Variants in ZC3H12C observed in about 807,000 individuals in gnomAD.
ZC3H12C encodes the protein zinc finger CCCH-type containing 12C, also known as probable ribonuclease ZC3H12C.
ZC3H12C carries 20 observed loss-of-function variants against 76.3 expected under a neutral mutation model. The ratio of observed to expected loss-of-function variants is 0.26; its 90% CI spans 0.18 to 0.38. The LOEUF (loss-of-function observed/expected upper bound fraction) is 0.38. Among genes scored for constraint, ZC3H12C ranks in the 10% least tolerant of loss-of-function variants. The probability of loss-of-function intolerance (pLI) is 1.00; values close to 1 mark genes in which losing one functional copy is unlikely to be tolerated. For missense variants in ZC3H12C, 874 were observed against 1,086.5 expected, an observed-to-expected ratio of 0.80 and a Z score of 2.75; for synonymous variants, 352 against 399.6, an observed-to-expected ratio of 0.88 and a Z score of 1.42.
At chr11:110,151,003 G>A (rs1360714724) in intron 2 of ZC3H12C, among the ~76,000 whole-genome samples, 3 of 152,098 alleles carry the variant, frequency 2.0e-5, no homozygotes, top group African/African-American at 7.2e-5. Flanking sequence ...ACACATGGAG[G>A]ATTATATTTT....
intron 1 of ZC3H12C, among the ~76,000 whole-genome samples, chr11:110,113,623 A>G (rs908570535): frequency 3.9e-5 from 6 of 152,218 alleles, no homozygotes; most frequent in Non-Finnish European, 8.8e-5. Context: ...TTACAAAAAT[A>G]TGCCTGTTTA....
At chr11:110,100,352 T>C (rs774672965) in intron 1 of ZC3H12C, among the ~76,000 whole-genome samples, 1 of 151,976 alleles carries the variant, frequency 6.6e-6, no homozygotes, top group South Asian at 2.1e-4. Context: ...CAAAAAGCAA[T>C]GTAGTACTTT....
rs573161919 is a variant in ZC3H12C, at chr11:110,113,347, C to T, written c.21+19915C>T. ...GTATTCACCCATAGAAATGATGTTT[C>T]CCTACATATTACAGTTGAAACAAAT... On this transcript the variant is annotated intron_variant, in intron 1 of 5. Coordinates refer to ENST00000278590, the MANE Select transcript of ZC3H12C (RefSeq NM_033390.2). Among the ~76,000 whole-genome samples the T allele has an allele frequency of 7.2e-5, 11 of 152,256 alleles. No individual in the cohort carries two copies. In the South Asian group the frequency reaches 2.3e-3, roughly 32 times the overall value.
intron 1 of ZC3H12C, among the ~76,000 whole-genome samples, chr11:110,133,951 T>C (rs1238238229): frequency 1.3e-5 from 2 of 152,354 alleles, no homozygotes; most frequent in African/African-American, 2.4e-5. Flanking sequence ...CTAATATTTG[T>C]CACTAGTTGT....
chr11:110,140,267 G>A (rs1403381559), intron 2 of ZC3H12C, among the ~76,000 whole-genome samples: 1 of 152,166 alleles, frequency 6.6e-6, no homozygotes, highest in Admixed American at 6.5e-5. Context: ...TCCAGCCTGG[G>A]CAACAGAGAC....
At chr11:110,159,783 G>A (rs1046539356) in intron 4 of ZC3H12C, among the ~76,000 whole-genome samples, 4 of 152,200 alleles carry the variant, frequency 2.6e-5, no homozygotes, top group African/African-American at 9.6e-5. Context: ...AGACACTGGG[G>A]AAATTCCCAT....
At chr11:110,144,096 T>G (rs1344337168) in intron 2 of ZC3H12C, among the ~76,000 whole-genome samples, 4 of 152,168 alleles carry the variant, frequency 2.6e-5, no homozygotes, top group Non-Finnish European at 5.9e-5. Context: ...ATTACCTTGA[T>G]CTTTTGTTTG....
In ZC3H12C at chr11:110,165,586, A is replaced by G; in HGVS notation, c.2501A>G (p.Tyr834Cys). The change falls in exon 6 of 6, where the codon TAT (tyrosine) becomes TGT (cysteine). Residue 834 changes from tyrosine (Y) to cysteine (C), a missense_variant. By Grantham distance (194) the Tyr-to-Cys change is radical. Transcript: ENST00000278590. ...YCGMPQDPPR[Y>C]QDNREKIYIN... is the part of the protein sequence containing the mutation. ...GGAATGCCGCAAGATCCCCCGAGGTATCAAGACAACCGAGAAAAGATTTAT... is the reference window on the plus strand; with the variant it reads ...GGAATGCCGCAAGATCCCCCGAGGTGTCAAGACAACCGAGAAAAGATTTAT... 6.2e-7 allele frequency: 1 copy of G among 1,610,958 alleles called. No individual in the cohort carries two copies. Among genetic ancestry groups the G allele is most frequent in the Non-Finnish European group, 8.5e-7 (1 of 1,178,466 alleles).
chr11:110,145,607 G>A lies in ZC3H12C; in HGVS notation c.774-7312G>A, dbSNP rs76241601. ...AACAAATTACAGAAATTGGGGGCGG[G>A]GGGGAGTTGCAGTGACTCTAGTAAA... On this transcript the variant is annotated intron_variant, in intron 2 of 5. Transcript: ENST00000278590. 5.7e-3 allele frequency among the ~76,000 whole-genome samples: 851 copies of A among 150,610 alleles called. 35 individuals carry two copies. In the East Asian group the frequency reaches 0.11, roughly 19 times the overall value.
intron 1 of ZC3H12C, among the ~76,000 whole-genome samples, chr11:110,102,409 T>C (rs772578211): frequency 1.5e-4 from 23 of 151,948 alleles, no homozygotes; most frequent in Admixed American, 2.6e-4. Context: ...GTGGAACAGA[T>C]AGCAAGAGAA....
chr11:110,142,189 T>C (rs1472824092), intron 2 of ZC3H12C, among the ~76,000 whole-genome samples: 5 of 152,180 alleles, frequency 3.3e-5, no homozygotes, highest in Non-Finnish European at 5.9e-5. Flanking sequence ...AAGACAGATA[T>C]TAGAGTTATA....
intron 1 of ZC3H12C, among the ~76,000 whole-genome samples, chr11:110,130,689 G>C (rs1252229628): frequency 6.6e-6 from 1 of 152,148 alleles, no homozygotes; most frequent in Non-Finnish European, 1.5e-5. Context: ...ACTGAAGTCT[G>C]CCCAAGCCAG....
chr11:110,093,742 C>G (rs1385227892), intron 1 of ZC3H12C, among the ~76,000 whole-genome samples: 2 of 152,208 alleles, frequency 1.3e-5, no homozygotes, highest in East Asian at 3.9e-4. Context: ...AGGCACCGGT[C>G]CCCGCCCGCC....
chr11:110,122,603 A>C (rs769652934), intron 1 of ZC3H12C, among the ~76,000 whole-genome samples: 3 of 152,184 alleles, frequency 2.0e-5, no homozygotes, highest in Non-Finnish European at 4.4e-5. Flanking sequence ...AGCCACATGC[A>C]CTTGCTAGAA....
In ZC3H12C at chr11:110,165,869, G is replaced by C; in HGVS notation, c.*132G>C. On this transcript the variant is annotated 3_prime_UTR_variant, in exon 6 of 6. Coordinates refer to ENST00000278590, the MANE Select transcript of ZC3H12C (RefSeq NM_033390.2). ...ATAGTATCCATTTATGTGAAATACT[G>C]TATCATGGAATCTGTATGTATAGCC... 1 of 863,022 alleles carries C rather than the reference G, an allele frequency of 1.2e-6. No individual in the cohort carries two copies. Among genetic ancestry groups the C allele is most frequent in the Non-Finnish European group, 1.7e-6 (1 of 575,280 alleles). The allele number at this position is 863,022 out of a possible 1,614,324, so 53.5% of individuals were successfully genotyped here. A position where few individuals can be genotyped will look rare whatever the true frequency, so the allele number is the denominator to read the frequency against.
chr11:110,108,454 T>G (rs1310852480), intron 1 of ZC3H12C, among the ~76,000 whole-genome samples: 2 of 152,354 alleles, frequency 1.3e-5, no homozygotes, highest in African/African-American at 4.8e-5. Context: ...CATGATAGCA[T>G]GAGGTTTTTA....
intron 1 of ZC3H12C, 113 bp downstream of exon 1, chr11:110,093,545 G>T: frequency 1.3e-6 from 1 of 777,920 alleles, no homozygotes; most frequent in Non-Finnish European, 1.7e-6. Flanking sequence ...GGAGGGCGCC[G>T]GGGCCGCAGC....
At chr11:110,122,098 C>T (rs1360919986) in intron 1 of ZC3H12C, among the ~76,000 whole-genome samples, 1 of 152,134 alleles carries the variant, frequency 6.6e-6, no homozygotes, top group Non-Finnish European at 1.5e-5. Context: ...ACAAGACATG[C>T]ACGTATCCTC....
At chr11:110,148,702 A>T (rs666413) in intron 2 of ZC3H12C, among the ~76,000 whole-genome samples, 104,850 of 151,918 alleles carry the variant, frequency 0.69, 36,946 homozygotes, top group South Asian at 0.79. Context: ...AATTCATAAA[A>T]ATAGAATTAA....
Sources: gnomAD v4.1 joint callset for allele counts (sites outside exome capture counted in the v4.1 genomes callset) on GRCh38, gnomAD v4.1.1 for gene constraint, MANE v1.5 for transcripts, NCBI Gene and HGNC (gene_info 2026-07-23, HGNC 2026-07-21) for gene names.